ITPR2: variants seen among roughly 807,000 people sequenced by gnomAD.
ITPR2 encodes the protein inositol 1,4,5-trisphosphate-gated calcium channel ITPR2.
Under a neutral mutation model 317.1 loss-of-function variants are expected in ITPR2, and 207 were observed. The ratio of observed to expected loss-of-function variants is 0.65; its 90% CI spans 0.58 to 0.73. ITPR2 has a LOEUF of 0.73. ITPR2 is among the 30% of genes least tolerant of loss of function. ITPR2 has a pLI of 0.00. For missense variants in ITPR2, 2,613 were observed against 3,284.0 expected, an observed-to-expected ratio of 0.80 and a Z score of 4.99; for synonymous variants, 1,156 against 1,149.1, an observed-to-expected ratio of 1.01 and a Z score of -0.12.
At chr12:26,807,081 C>T (rs1950650501) in intron 1 of ITPR2, among the ~76,000 whole-genome samples, 1 of 151,952 alleles carries the variant, frequency 6.6e-6, no homozygotes, top group African/African-American at 2.4e-5. Context: ...CTTAGCTACT[C>T]AGGAGGCTAA....
At position 26,519,455 on chromosome 12, in the gene ITPR2, T is replaced by C. The variant is rs1413052118; in HGVS notation, c.5074-24195A>G. The stretch of plus-strand genomic sequence containing the variant: ...ATGCTTTACAGATGCTGAAGAACCA[T>C]TTGACAAAATTTAATTTCATTTCTG... On this transcript the variant is annotated intron_variant, in intron 37 of 56. Transcript: ENST00000381340. 3.9e-5 allele frequency among the ~76,000 whole-genome samples: 6 copies of C among 152,206 alleles called. No individual in the cohort carries two copies. The East Asian group carries it at 1.2e-3, about 29-fold the overall frequency.
At chr12:26,361,931 T>A (rs903150138) in intron 55 of ITPR2, among the ~76,000 whole-genome samples, 4 of 152,240 alleles carry the variant, frequency 2.6e-5, no homozygotes, top group South Asian at 2.1e-4. Context: ...TGATGCAATG[T>A]ATGGTGTAAA....
chr12:26,639,762 T>C (rs1946943129), intron 21 of ITPR2, among the ~76,000 whole-genome samples: 1 of 151,840 alleles, frequency 6.6e-6, no homozygotes, highest in South Asian at 2.1e-4. Flanking sequence ...AGAATGATGG[T>C]TTCCAGCTTC....
chr12:26,531,399 G>A (rs1943938946), intron 37 of ITPR2, among the ~76,000 whole-genome samples: 1 of 152,140 alleles, frequency 6.6e-6, no homozygotes, highest in Non-Finnish European at 1.5e-5. Context: ...GTAATAAACT[G>A]GAGCAGAAAC....
chr12:26,757,064 T>C (rs1192064090), intron 2 of ITPR2, among the ~76,000 whole-genome samples: 3 of 152,204 alleles, frequency 2.0e-5, no homozygotes, highest in Non-Finnish European at 4.4e-5. Context: ...GCCATGGCAA[T>C]GTCAGGAATT....
chr12:26,381,437 A>C (rs1255426534), intron 55 of ITPR2, among the ~76,000 whole-genome samples: 1 of 152,168 alleles, frequency 6.6e-6, no homozygotes, highest in African/African-American at 2.4e-5. Flanking sequence ...ATTTATCTTT[A>C]TACAGCAAAT....
chr12:26,652,263 G>A (rs566193698), intron 21 of ITPR2, among the ~76,000 whole-genome samples: 1 of 152,276 alleles, frequency 6.6e-6, no homozygotes, highest in African/African-American at 2.4e-5. Flanking sequence ...ACTAGCATTT[G>A]CACTGTCCCC....
intron 2 of ITPR2, among the ~76,000 whole-genome samples, chr12:26,753,000 A>G (rs749607101): frequency 3.3e-5 from 5 of 152,058 alleles, no homozygotes; most frequent in Non-Finnish European, 7.4e-5. Flanking sequence ...TACTGAGGTG[A>G]CCCCCCACCC....
chr12:26,638,071 A>G (rs1946903070), intron 21 of ITPR2, among the ~76,000 whole-genome samples: 1 of 152,230 alleles, frequency 6.6e-6, no homozygotes, highest in Non-Finnish European at 1.5e-5. Flanking sequence ...GACTACTTAG[A>G]AGAAAACTGT....
chr12:26,644,197 C>T (rs1947058515), intron 21 of ITPR2, among the ~76,000 whole-genome samples: 1 of 152,168 alleles, frequency 6.6e-6, no homozygotes, highest in Non-Finnish European at 1.5e-5. Context: ...ACATCATGAG[C>T]TTCACTTTCC....
chr12:26,335,735 T>A lies in ITPR2; in HGVS notation c.*3662A>T, dbSNP rs1013423597. The stretch of plus-strand genomic sequence containing the variant: ...CTAAAAACCGGAATTAGCTGTCAAA[T>A]TTTGAGAATACAGAGCTTCCCACGG... On this transcript the variant is annotated 3_prime_UTR_variant, in exon 57 of 57. Transcript: ENST00000381340. 6.6e-6 allele frequency: 1 copy of A among 152,204 alleles called. No homozygotes were observed. Among genetic ancestry groups the A allele is most frequent in the Non-Finnish European group, 1.5e-5 (1 of 68,036 alleles). The allele number at this position is 152,204 out of a possible 1,614,324, so 9.4% of individuals were successfully genotyped here.
At chr12:26,768,591 A>AAAAAAC (rs1555188511) in intron 2 of ITPR2, among the ~76,000 whole-genome samples, 10 of 140,252 alleles carry the variant, frequency 7.1e-5, no homozygotes, top group Admixed American at 2.1e-4. Flanking sequence ...AAAAAAAAAA[A>AAAAAAC]AAAAAACCTC....
In ITPR2 at chr12:26,415,487, C is replaced by A; in HGVS notation, c.7122G>T (p.Leu2374Phe). The A allele has an allele frequency of 2.6e-6, 4 of 1,548,858 alleles. No individual in the cohort carries two copies. Among genetic ancestry groups the A allele is most frequent in the Non-Finnish European group, 3.5e-6 (4 of 1,151,408 alleles). The change falls in exon 51 of 57, where the codon TTG becomes TTT. Residue 2374 changes from leucine (L) to phenylalanine (F), a missense_variant. Physicochemically the swap from Leu to Phe is conservative, Grantham distance 22 (BLOSUM62 0). Transcript: ENST00000381340. The part of the protein sequence containing the change: ...EFFYSFLLFD[L>F]VYREETLLNV... ...TCAGCAAAGTCTCTTCCCTGTACAC[C>A]AAATCAAAAAGCTACAAAGATAAAG...
chr12:26,478,917 AG>A (rs1240346918), intron 43 of ITPR2, among the ~76,000 whole-genome samples: 5 of 152,122 alleles, frequency 3.3e-5, no homozygotes, highest in Non-Finnish European at 5.9e-5. Context: ...GGGATGATTA[AG>A]CAATTAAATT....
intron 49 of ITPR2, among the ~76,000 whole-genome samples, chr12:26,422,297 T>C (rs959536593): frequency 6.7e-6 from 1 of 148,934 alleles, no homozygotes; most frequent in Non-Finnish European, 1.5e-5. Flanking sequence ...TAATTATTAT[T>C]GAATAATAAT....
rs1360686240 is a variant in ITPR2 at position 26,831,225 on chromosome 12, C to T, written c.92+1465G>A. On this transcript the variant is annotated intron_variant, in intron 1 of 56. Transcript: ENST00000381340. The surrounding 1 kb of genome is among the most constrained non-coding windows in gnomAD (Gnocchi z 4.9). ...ACCCAGCAGAAGCGCTTGGCACTAA[C>T]GTGTTTTTCCTACCACGCTTTAGTT... is the stretch of plus-strand genomic sequence containing the variant. 3.9e-5 allele frequency among the ~76,000 whole-genome samples: 6 copies of T among 152,152 alleles called. No homozygotes were observed. The South Asian group carries it at 6.2e-4, about 16-fold the overall frequency.
chr12:26,621,014 T>A, intron 26 of ITPR2, 109 bp downstream of exon 26: 1 of 1,027,108 alleles, frequency 9.7e-7, no homozygotes, highest in Admixed American at 2.4e-5. Flanking sequence ...GCTCTGTTGC[T>A]CAGAACAGAA....
At chr12:26,367,881 T>G (rs1354767943) in intron 55 of ITPR2, among the ~76,000 whole-genome samples, 1 of 152,316 alleles carries the variant, frequency 6.6e-6, no homozygotes, top group South Asian at 2.1e-4. Context: ...CCTTCTTAGA[T>G]AGTACTTCAT....
rs571365444 is a variant in ITPR2, at chr12:26,615,981, G to T, written c.3462+5142C>A. Reference sequence around the variant, plus strand: ...CCACAATGGACAATTACAAAACCTGGATGTACAATAGGTCAAAAAGCAAAC... The same window carrying T: ...CCACAATGGACAATTACAAAACCTGTATGTACAATAGGTCAAAAAGCAAAC... On this transcript the variant is annotated intron_variant, in intron 26 of 56. Transcript: ENST00000381340. Among the ~76,000 whole-genome samples, 4 of 152,066 alleles carry T rather than the reference G, an allele frequency of 2.6e-5. No homozygotes were observed. The South Asian group carries it at 8.3e-4, about 32-fold the overall frequency.
Sources: gnomAD v4.1 joint callset for allele counts (sites outside exome capture counted in the v4.1 genomes callset) on GRCh38, gnomAD v4.1.1 for gene constraint, Gnocchi (gnomAD v3.1) non-coding constraint, MANE v1.5 for transcripts, NCBI Gene and HGNC (gene_info 2026-07-23, HGNC 2026-07-21) for gene names.